Variants in FMNL2 observed in about 807,000 individuals in gnomAD.
FMNL2 encodes formin-like protein 2.
FMNL2 carries 51 observed loss-of-function variants against 130.2 expected under a neutral mutation model. That is an observed-to-expected ratio of 0.39 (90% CI 0.31 to 0.49). The LOEUF (loss-of-function observed/expected upper bound fraction) is 0.49. Among genes scored for constraint, FMNL2 ranks in the 20% least tolerant of loss-of-function variants. The probability of loss-of-function intolerance (pLI) is 0.85; values close to 1 mark genes in which losing one functional copy is unlikely to be tolerated. For missense variants in FMNL2, 977 were observed against 1,316.2 expected, an observed-to-expected ratio of 0.74 and a Z score of 3.99; for synonymous variants, 465 against 467.1, an observed-to-expected ratio of 1.00 and a Z score of 0.06.
chr2:152,594,168 T>C (rs1697631101), intron 9 of FMNL2, among the ~76,000 whole-genome samples: 1 of 152,180 alleles, frequency 6.6e-6, no homozygotes, highest in Non-Finnish European at 1.5e-5. Flanking sequence ...AAGTGGTTTT[T>C]ATATATCTTC....
chr2:152,554,725 T>C (rs6434097), intron 4 of FMNL2, among the ~76,000 whole-genome samples: 119,486 of 152,164 alleles, frequency 0.79, 47,215 homozygotes, highest in African/African-American at 0.86. Context: ...TGTGTTGTCC[T>C]TGAAAGGATG....
chr2:152,336,669 C>G (rs1406859277), intron 1 of FMNL2, among the ~76,000 whole-genome samples: 4 of 152,172 alleles, frequency 2.6e-5, no homozygotes, highest in Non-Finnish European at 4.4e-5. Context: ...AGGATCTGGA[C>G]TGCTGTTGGT....
chr2:152,558,378 A>G (rs1294020867), intron 4 of FMNL2, among the ~76,000 whole-genome samples: 4 of 152,210 alleles, frequency 2.6e-5, no homozygotes, highest in South Asian at 2.1e-4. Flanking sequence ...CATTGTCCAT[A>G]GTCTTGCTTC....
At chr2:152,608,768 T>C (rs1426591832) in intron 10 of FMNL2, among the ~76,000 whole-genome samples, 4 of 152,148 alleles carry the variant, frequency 2.6e-5, no homozygotes, top group African/African-American at 9.7e-5. Context: ...ACTTATTCAT[T>C]CTGTTAGAGT....
rs116416458 is a variant in FMNL2 at position 152,558,220 on chromosome 2, C to T, written c.360-520C>T. Among the ~76,000 whole-genome samples, 1,167 of 152,218 alleles carry T rather than the reference C, an allele frequency of 7.7e-3. 15 individuals are homozygous for T. The highest frequency in any genetic ancestry group is 0.026 in the African/African-American group (1,089 of 41,520). ...TGGAAAAAGTTAAGCAAATCATTAT[C>T]CCTATTGAATTTCTAGAAGCCCATA... On this transcript the variant is annotated intron_variant, in intron 4 of 25. Transcript: ENST00000288670.
At chr2:152,381,307 A>T (rs556270657) in intron 1 of FMNL2, among the ~76,000 whole-genome samples, 1 of 152,282 alleles carries the variant, frequency 6.6e-6, no homozygotes, top group African/African-American at 2.4e-5. Flanking sequence ...GGCATATTTC[A>T]TACGTTTCAG....
intron 4 of FMNL2, 144 bp downstream of exon 4, chr2:152,549,241 C>G: frequency 2.0e-6 from 1 of 500,506 alleles, no homozygotes; most frequent in South Asian, 3.8e-5. Context: ...CTTGTTAGTA[C>G]TCAAATTACT....
At chr2:152,646,480 C>CT (rs1683576792) in intron 25 of FMNL2, among the ~76,000 whole-genome samples, 1 of 152,102 alleles carries the variant, frequency 6.6e-6, no homozygotes, top group South Asian at 2.1e-4. Flanking sequence ...TGTGTAGGAA[C>CT]TGGGGCCCGG....
chr2:152,457,947 C>T (rs1470054058), intron 1 of FMNL2, among the ~76,000 whole-genome samples: 1 of 152,194 alleles, frequency 6.6e-6, no homozygotes, highest in Admixed American at 6.5e-5. Flanking sequence ...TTGGCTACAA[C>T]CTCAGAAGGT....
chr2:152,644,758 T>G (rs1683395632), intron 25 of FMNL2, among the ~76,000 whole-genome samples: 1 of 152,214 alleles, frequency 6.6e-6, no homozygotes, highest in South Asian at 2.1e-4. Context: ...TTGACCTGCT[T>G]CTTTGGTCAG....
chr2:152,619,606 A>G lies in FMNL2; in HGVS notation c.1725A>G (p.Pro575=). 7.8e-7 allele frequency: 1 copy of G among 1,282,590 alleles called. No homozygotes were observed. The highest frequency in any genetic ancestry group is 1.0e-6 in the Non-Finnish European group (1 of 992,584). The allele number at this position is 1,282,590 out of a possible 1,614,324, so 79.5% of individuals were successfully genotyped here. The change falls in exon 15 of 26, where the codon CCA becomes CCG. Residue 575 remains proline (P), a synonymous_variant. Transcript: ENST00000288670. ...CGCCCCCTCCGCCTCCTCCTCTCCCAGGCCCTGCAGCTGAGACTGTACCAG... is the reference window on the plus strand; with the variant it reads ...CGCCCCCTCCGCCTCCTCCTCTCCCGGGCCCTGCAGCTGAGACTGTACCAG... ...PPPPPPPPPL[P]GPAAETVPAP...
rs60639670 is a variant in FMNL2 at position 152,431,965 on chromosome 2, TA to T, written c.118-89958del. Reference sequence around the variant, plus strand: ...GGGCAACAGAGTGAAACCCTATCTTTAAAAAAAAAAAAAAAAAAAAGATTTG... The same window carrying T: ...GGGCAACAGAGTGAAACCCTATCTTTAAAAAAAAAAAAAAAAAAAGATTTG... On this transcript the variant is annotated intron_variant, in intron 1 of 25. Transcript: ENST00000288670. Among the ~76,000 whole-genome samples the T allele has an allele frequency of 3.5e-3, 285 of 82,146 alleles. 1 individual carries two copies. Among genetic ancestry groups the T allele is most frequent in the Admixed American group, 4.1e-3 (26 of 6,318 alleles). 53.9% of individuals were successfully genotyped at this position (82,146 alleles called of 152,430 possible). A position where few individuals can be genotyped will look rare whatever the true frequency, so the allele number is the denominator to read the frequency against.
intron 1 of FMNL2, among the ~76,000 whole-genome samples, chr2:152,351,608 G>A (rs190138875): frequency 2.0e-5 from 3 of 152,128 alleles, no homozygotes; most frequent in African/African-American, 7.2e-5. Flanking sequence ...TCATTGATGG[G>A]CATTTGGGTT....
chr2:152,443,819 G>A (rs752352695), intron 1 of FMNL2, among the ~76,000 whole-genome samples: 7 of 151,952 alleles, frequency 4.6e-5, no homozygotes, highest in Non-Finnish European at 1.0e-4. Context: ...CTCCAGCCTC[G>A]GCAACAGAGC....
intron 2 of FMNL2, among the ~76,000 whole-genome samples, chr2:152,523,163 A>C (rs1409952250): frequency 6.6e-6 from 1 of 152,236 alleles, no homozygotes; most frequent in Non-Finnish European, 1.5e-5. Flanking sequence ...ATGTTAAAGA[A>C]ATTGATTTCC....
At chr2:152,617,230 T>C (rs762322296) in intron 13 of FMNL2, 38 bp downstream of exon 13, 2 of 1,573,922 alleles carry the variant, frequency 1.3e-6, no homozygotes, top group South Asian at 2.2e-5. Context: ...ATGGGCACGG[T>C]AGGGAATGTA....
intron 9 of FMNL2, among the ~76,000 whole-genome samples, chr2:152,596,068 T>C (rs1406588898): frequency 2.0e-5 from 3 of 151,858 alleles, no homozygotes; most frequent in Admixed American, 1.3e-4. Flanking sequence ...GTTTAAGCGA[T>C]TCTCCCGCCT....
chr2:152,509,552 T>C (rs1252621709), intron 1 of FMNL2, among the ~76,000 whole-genome samples: 1 of 151,938 alleles, frequency 6.6e-6, no homozygotes, highest in Admixed American at 6.6e-5. Context: ...ACGGTCACAT[T>C]TGGTCCCTTG....
chr2:152,577,254 G>C (rs145715472), intron 7 of FMNL2, among the ~76,000 whole-genome samples: 1 of 152,126 alleles, frequency 6.6e-6, no homozygotes, highest in African/African-American at 2.4e-5. Context: ...GGTGGCACCA[G>C]GGCTTTTGTC....
Sources: gnomAD v4.1 joint callset for allele counts (sites outside exome capture counted in the v4.1 genomes callset) on GRCh38, gnomAD v4.1.1 for gene constraint, MANE v1.5 for transcripts, NCBI Gene and HGNC (gene_info 2026-07-23, HGNC 2026-07-21) for gene names.